LIMCH1: variants seen among roughly 807,000 people sequenced by gnomAD.
LIMCH1 encodes LIM and calponin homology domains 1.
In LIMCH1, 113 loss-of-function variants were observed where a neutral mutation model predicts 176.5. The observed-to-expected ratio is 0.64, with a 90% confidence interval of 0.55 to 0.75. The LOEUF is 0.75. Ranked by LOEUF, LIMCH1 falls within the 30% of genes least tolerant of loss-of-function variation. The pLI is 0.00. For missense variants in LIMCH1, 1,674 were observed against 1,814.9 expected, an observed-to-expected ratio of 0.92 and a Z score of 1.41; for synonymous variants, 619 against 645.9, an observed-to-expected ratio of 0.96 and a Z score of 0.63.
chr4:41,422,902 T>G (rs998693363), intron 1 of LIMCH1, among the ~76,000 whole-genome samples: 2 of 152,152 alleles, frequency 1.3e-5, no homozygotes, highest in Non-Finnish European at 2.9e-5. Flanking sequence ...GGATTGCAGG[T>G]GTGTGCCACC....
chr4:41,655,673 C>CTT (rs112101600), intron 18 of LIMCH1, among the ~76,000 whole-genome samples: 1 of 149,774 alleles, frequency 6.7e-6, no homozygotes, highest in African/African-American at 2.4e-5. Flanking sequence ...TCCTGCAGCT[C>CTT]TTTTTTTTTT....
intron 14 of LIMCH1, among the ~76,000 whole-genome samples, chr4:41,639,564 A>G (rs901308740): frequency 6.6e-6 from 1 of 151,970 alleles, no homozygotes; most frequent in African/African-American, 2.4e-5. Context: ...CTTGGTTTTC[A>G]CTCAACCAAG....
chr4:41,522,031 G>T (rs920941224), intron 2 of LIMCH1, among the ~76,000 whole-genome samples: 2 of 152,096 alleles, frequency 1.3e-5, no homozygotes, highest in Non-Finnish European at 2.9e-5. Context: ...CTCTTTAAAA[G>T]ATAATTTTAA....
At chr4:41,372,657 A>G (rs1386970150) in intron 1 of LIMCH1, among the ~76,000 whole-genome samples, 1 of 152,166 alleles carries the variant, frequency 6.6e-6, no homozygotes, top group Non-Finnish European at 1.5e-5. Flanking sequence ...CTTGGACAAC[A>G]TTTCCAGGAG....
At chr4:41,392,667 A>G (rs1450397576) in intron 1 of LIMCH1, among the ~76,000 whole-genome samples, 1 of 152,204 alleles carries the variant, frequency 6.6e-6, no homozygotes, top group Non-Finnish European at 1.5e-5. Flanking sequence ...TTGAAGGGGC[A>G]GTCTTCTTCC....
chr4:41,362,687 A>G (rs951727983), intron 1 of LIMCH1, among the ~76,000 whole-genome samples: 1 of 152,258 alleles, frequency 6.6e-6, no homozygotes, highest in African/African-American at 2.4e-5. Context: ...GTACACCTCC[A>G]TGAATTTTGA....
rs1335823535 is a variant in LIMCH1 at position 41,689,587 on chromosome 4, A to C, written c.4227A>C (p.Ala1409=). ...GGCTTCCTTTGGGTAAAGGAGCTGCAATGATCATCGAGACCCTCAATCTCT... is the reference window on the plus strand; with the variant it reads ...GGCTTCCTTTGGGTAAAGGAGCTGCCATGATCATCGAGACCCTCAATCTCT... ...SCGLPLGKGA[A]MIIETLNLYF... Residue 1409 remains alanine (A), a synonymous_variant, in exon 30 of 32, where the codon GCA becomes GCC. Coordinates refer to ENST00000503057, the MANE Select transcript of LIMCH1 (RefSeq NM_001330672.2). 6.2e-7 allele frequency: 1 copy of C among 1,612,862 alleles called. No individual in the cohort carries two copies. The highest frequency in any genetic ancestry group is 8.5e-7 in the Non-Finnish European group (1 of 1,178,976).
intron 1 of LIMCH1, among the ~76,000 whole-genome samples, chr4:41,545,023 C>G (rs2079173543): frequency 6.6e-6 from 1 of 152,194 alleles, no homozygotes; most frequent in African/African-American, 2.4e-5. Flanking sequence ...CTGGCAAATG[C>G]CTACAGGGAC....
At chr4:41,459,632 AC>A (rs1372629191) in intron 1 of LIMCH1, among the ~76,000 whole-genome samples, 2 of 152,138 alleles carry the variant, frequency 1.3e-5, no homozygotes, top group African/African-American at 2.4e-5. Flanking sequence ...AGGGAATTTA[AC>A]AGAGGGAATT....
chr4:41,578,607 G>C (rs1271562902), intron 1 of LIMCH1, among the ~76,000 whole-genome samples: 1 of 152,092 alleles, frequency 6.6e-6, no homozygotes, highest in East Asian at 1.9e-4. Flanking sequence ...TTTCTCTGCT[G>C]TTGTTTTAAT....
intron 1 of LIMCH1, among the ~76,000 whole-genome samples, chr4:41,574,266 TCCCC>T (rs2084067136): frequency 3.0e-4 from 1 of 3,344 alleles, no homozygotes; most frequent in Non-Finnish European, 6.3e-4. Context: ...TCCCCTCCCC[TCCCC>T]TCCCCTCCCC....
Position 41,405,102 on chromosome 4 carries a change from G to A in LIMCH1, c.96+44166G>A, listed in dbSNP as rs141875049. ...GTTATTTCTTAAATTCCTTCAGGGT[G>A]TGCACCTGATCTGTTTTCTTTACCG... On this transcript the variant is annotated intron_variant, in intron 1 of 26. Coordinates refer to the LIMCH1 transcript ENST00000313860. Among the ~76,000 whole-genome samples the A allele has an allele frequency of 3.4e-3, 523 of 152,222 alleles. 7 individuals are homozygous for A. Among genetic ancestry groups the A allele is most frequent in the African/African-American group, 0.012 (494 of 41,528 alleles).
intron 1 of LIMCH1, among the ~76,000 whole-genome samples, chr4:41,408,397 C>T (rs1457271046): frequency 6.6e-6 from 1 of 152,184 alleles, no homozygotes; most frequent in Non-Finnish European, 1.5e-5. Flanking sequence ...TATAACATGA[C>T]TCCACTGTGA....
chr4:41,464,377 T>C (rs1220335853), intron 1 of LIMCH1, among the ~76,000 whole-genome samples: 8 of 150,226 alleles, frequency 5.3e-5, no homozygotes, highest in Non-Finnish European at 1.0e-4. Context: ...TTTCTTTTTT[T>C]TTTTTTTCTG....
chr4:41,385,336 A>T (rs1029972665), intron 1 of LIMCH1, among the ~76,000 whole-genome samples: 1 of 152,168 alleles, frequency 6.6e-6, no homozygotes, highest in African/African-American at 2.4e-5. Flanking sequence ...GCCATTTTGG[A>T]TTGAGAGTAT....
At position 41,631,792 on chromosome 4, in the gene LIMCH1, A is replaced by C. The variant is rs1005876465; in HGVS notation, c.1601+315A>C. On this transcript the variant is annotated intron_variant, in intron 10 of 31. Coordinates refer to ENST00000503057, the MANE Select transcript of LIMCH1 (RefSeq NM_001330672.2). ...GAAAATACCAAATGAGCTAAATGGA[A>C]TGTTTTAATGATATCAGTAGGGTTT... 3.3e-5 allele frequency among the ~76,000 whole-genome samples: 5 copies of C among 152,328 alleles called. No individual in the cohort carries two copies. In the South Asian group the frequency reaches 8.3e-4, roughly 25 times the overall value.
At chr4:41,692,077 T>C (rs1726451599) in intron 30 of LIMCH1, among the ~76,000 whole-genome samples, 1 of 152,166 alleles carries the variant, frequency 6.6e-6, no homozygotes, top group African/African-American at 2.4e-5. Context: ...CTCTGTAAAA[T>C]GCAAGGAATT....
intron 1 of LIMCH1, among the ~76,000 whole-genome samples, chr4:41,568,155 A>G (rs1351356895): frequency 1.3e-5 from 2 of 152,236 alleles, no homozygotes; most frequent in East Asian, 3.8e-4. Flanking sequence ...TCCTTCTCAA[A>G]AAAGAAAAAA....
At chr4:41,694,545 G>T (rs1728942782) in intron 31 of LIMCH1, among the ~76,000 whole-genome samples, 1 of 152,056 alleles carries the variant, frequency 6.6e-6, no homozygotes, top group Non-Finnish European at 1.5e-5. Context: ...GATATATCTT[G>T]GTAACTTTTC....
Sources: gnomAD v4.1 joint callset for allele counts (sites outside exome capture counted in the v4.1 genomes callset) on GRCh38, gnomAD v4.1.1 for gene constraint, MANE v1.5 for transcripts, NCBI Gene and HGNC (gene_info 2026-07-23, HGNC 2026-07-21) for gene names.